Variants in KDM4C observed in about 807,000 individuals in gnomAD.
KDM4C encodes lysine-specific demethylase 4C.
Under a neutral mutation model 129.3 loss-of-function variants are expected in KDM4C, and 81 were observed. The observed-to-expected ratio is 0.63, with a 90% confidence interval of 0.52 to 0.75. The LOEUF is 0.75. Among genes scored for constraint, KDM4C ranks in the 30% least tolerant of loss-of-function variants. The probability of loss-of-function intolerance (pLI) is 0.00; values close to 1 mark genes in which losing one functional copy is unlikely to be tolerated. For missense variants in KDM4C, 1,457 were observed against 1,304.0 expected (o/e 1.12, Z -1.81); for synonymous variants, 573 against 456.1 (o/e 1.26, Z -3.26).
rs1818516177 is a variant in KDM4C, at chr9:6,990,397, A to G, written c.1678-19A>G. ...TTTTTGATAATGGTATTTCTCCACCATTTTTGTTCTATAACTAGATAGCAG... is the reference window on the plus strand; with the variant it reads ...TTTTTGATAATGGTATTTCTCCACCGTTTTTGTTCTATAACTAGATAGCAG... On this transcript the variant is annotated intron_variant, in intron 11 of 21. Coordinates refer to ENST00000381309, the MANE Select transcript of KDM4C (RefSeq NM_015061.6). 2 of 1,521,036 alleles carry G rather than the reference A, an allele frequency of 1.3e-6. No homozygotes were observed. The highest frequency in any genetic ancestry group is 1.7e-4 in the Middle Eastern group (1 of 5,878). The allele number at this position is 1,521,036 out of a possible 1,614,324, so 94.2% of individuals were successfully genotyped here.
At chr9:7,169,758 G>GT (rs777953592) in intron 20 of KDM4C, 40 bp from the exon 21 acceptor site, 43 of 1,530,796 alleles carry the variant, frequency 2.8e-5, no homozygotes, top group Admixed American at 2.3e-4. Context: ...GGTCAGTGCT[G>GT]TTTTTTTAAT....
intron 4 of KDM4C, among the ~76,000 whole-genome samples, chr9:6,820,714 C>CTTT (rs35264767): frequency 3.1e-5 from 4 of 127,142 alleles, no homozygotes; most frequent in Non-Finnish European, 4.9e-5. Flanking sequence ...CTCTCTCTCT[C>CTTT]TTTTTTTTTT....
chr9:7,006,967 G>A (rs1324671412), intron 12 of KDM4C, among the ~76,000 whole-genome samples: 2 of 152,164 alleles, frequency 1.3e-5, no homozygotes, highest in African/African-American at 2.4e-5. Flanking sequence ...TTGACATGGC[G>A]ATTAAAAAAT....
chr9:6,994,645 T>A (rs1819370779), intron 12 of KDM4C, among the ~76,000 whole-genome samples: 1 of 152,162 alleles, frequency 6.6e-6, no homozygotes, highest in African/African-American at 2.4e-5. Context: ...GATAAGGCAA[T>A]CAGTAATACT....
intron 3 of KDM4C, among the ~76,000 whole-genome samples, chr9:6,807,320 G>A (rs1830185752): frequency 6.6e-6 from 1 of 150,820 alleles, no homozygotes; most frequent in South Asian, 2.1e-4. Context: ...TGGGAAGTGA[G>A]GAGTGTCTCT....
intron 2 of KDM4C, among the ~76,000 whole-genome samples, chr9:6,801,750 G>A (rs1323660639): frequency 6.6e-6 from 1 of 151,638 alleles, no homozygotes; most frequent in Non-Finnish European, 1.5e-5. Context: ...CATTAATAAG[G>A]AAAAACCCAA....
chr9:7,170,055 T>G (rs1434694037), intron 21 of KDM4C, 165 bp downstream of exon 21: 1 of 1,513,468 alleles, frequency 6.6e-7, no homozygotes, highest in Non-Finnish European at 8.9e-7. Context: ...AAACTTCAAA[T>G]TCAACCAAAA....
At chr9:6,883,356 T>C (rs1050002960) in intron 6 of KDM4C, among the ~76,000 whole-genome samples, 3 of 152,230 alleles carry the variant, frequency 2.0e-5, no homozygotes, top group South Asian at 2.1e-4. Flanking sequence ...ACCAGTGATA[T>C]ATCCTCTGCC....
intron 4 of KDM4C, among the ~76,000 whole-genome samples, chr9:6,825,241 A>C (rs182321374): frequency 6.6e-6 from 1 of 151,800 alleles, no homozygotes; most frequent in East Asian, 1.9e-4. Flanking sequence ...CTTCTGGAAA[A>C]CTCTATACTC....
chr9:7,147,924 G>A (rs547094433), intron 19 of KDM4C, among the ~76,000 whole-genome samples: 23 of 152,328 alleles, frequency 1.5e-4, no homozygotes, highest in East Asian at 5.8e-4. Context: ...GGCTCGTTCC[G>A]TCCACTCAGC....
chr9:7,099,224 AC>A (rs1836801782), intron 17 of KDM4C, among the ~76,000 whole-genome samples: 1 of 152,212 alleles, frequency 6.6e-6, no homozygotes, highest in African/African-American at 2.4e-5. Flanking sequence ...AACTAGCAAA[AC>A]AAAACAATAA....
chr9:6,898,085 G>A (rs1348048090), intron 8 of KDM4C, among the ~76,000 whole-genome samples: 1 of 152,188 alleles, frequency 6.6e-6, no homozygotes. Flanking sequence ...CTGGGATGAA[G>A]TGCAGTTGTT....
At chr9:6,806,610 G>A (rs1830022455) in intron 3 of KDM4C, among the ~76,000 whole-genome samples, 1 of 151,990 alleles carries the variant, frequency 6.6e-6, no homozygotes, top group South Asian at 2.1e-4. Flanking sequence ...TTCTGCCTCA[G>A]GGTCTCATGA....
At chr9:6,921,327 G>A (rs181111277) in intron 8 of KDM4C, among the ~76,000 whole-genome samples, 45 of 152,204 alleles carry the variant, frequency 3.0e-4, no homozygotes, top group Non-Finnish European at 5.3e-4. Context: ...TACTTCACAC[G>A]TCCGCTTGGA....
chr9:6,985,200 A>C (rs1586709180), intron 10 of KDM4C, among the ~76,000 whole-genome samples: 1 of 152,196 alleles, frequency 6.6e-6, no homozygotes, highest in Non-Finnish European at 1.5e-5. Flanking sequence ...TCAGTTCTCC[A>C]GGTGGCCATT....
intron 5 of KDM4C, among the ~76,000 whole-genome samples, chr9:6,878,000 G>A (rs1843827758): frequency 6.6e-6 from 1 of 152,176 alleles, no homozygotes; most frequent in Non-Finnish European, 1.5e-5. Flanking sequence ...TAACAGAAGA[G>A]AGAAGCATGT....
chr9:6,913,722 T>C (rs10975892), intron 8 of KDM4C, among the ~76,000 whole-genome samples: 3,628 of 152,316 alleles, frequency 0.024, 141 homozygotes, highest in East Asian at 0.19. Context: ...GTTTCTACTC[T>C]ATTATGATAA....
chr9:6,784,036 T>C (rs1310336800), intron 1 of KDM4C, among the ~76,000 whole-genome samples: 3 of 152,078 alleles, frequency 2.0e-5, no homozygotes. Context: ...AGGAAGAAGC[T>C]CATGGAAGAT....
chr9:6,894,260 C>G (rs747756222), intron 8 of KDM4C, among the ~76,000 whole-genome samples: 1 of 152,182 alleles, frequency 6.6e-6, no homozygotes, highest in South Asian at 2.1e-4. Flanking sequence ...AGGAGTCATT[C>G]GAATACATTC....
Sources: allele counts gnomAD v4.1 joint callset (sites outside exome capture counted in the v4.1 genomes callset), GRCh38; gene constraint gnomAD v4.1.1; transcripts MANE v1.5; gene names NCBI Gene and HGNC (gene_info 2026-07-23, HGNC 2026-07-21).